Variants in PCDH15 observed in about 807,000 individuals in gnomAD.
PCDH15 encodes the protein protocadherin related 15.
In PCDH15, 129 loss-of-function variants were observed where a neutral mutation model predicts 178.5. The ratio of observed to expected loss-of-function variants is 0.72; its 90% CI spans 0.63 to 0.84. The LOEUF (loss-of-function observed/expected upper bound fraction) is 0.84. Ranked by LOEUF, PCDH15 falls within the 40% of genes least tolerant of loss-of-function variation. PCDH15 has a pLI of 0.00. For synonymous variants in PCDH15, 800 were observed against 732.0 expected (o/e 1.09, Z -1.50); for missense variants, 2,230 against 2,099.9 (o/e 1.06, Z -1.21).
At chr10:54,018,224 A>G (rs1718137784) in intron 20 of PCDH15, among the ~76,000 whole-genome samples, 1 of 152,170 alleles carries the variant, frequency 6.6e-6, no homozygotes, top group Admixed American at 6.5e-5. Context: ...TGTGTTGCAC[A>G]TGCAGAATCT....
chr10:54,451,940 C>T (rs1268652712), intron 3 of PCDH15, among the ~76,000 whole-genome samples: 1 of 151,938 alleles, frequency 6.6e-6, no homozygotes, highest in Non-Finnish European at 1.5e-5. Context: ...TTTTTCTTTA[C>T]AGGCTAGTCA....
At chr10:55,022,660 T>C (rs1409928658) in intron 2 of PCDH15, among the ~76,000 whole-genome samples, 5 of 151,720 alleles carry the variant, frequency 3.3e-5, no homozygotes, top group Non-Finnish European at 5.9e-5. Context: ...AAAATAACTT[T>C]GTAAGATATT....
intron 1 of PCDH15, among the ~76,000 whole-genome samples, chr10:54,707,453 C>T (rs113215693): frequency 6.6e-6 from 1 of 152,212 alleles, no homozygotes; most frequent in African/African-American, 2.4e-5. Flanking sequence ...CTACTTCTGT[C>T]CAGTTTGCCA....
At chr10:54,070,427 C>G (rs2094217402) in intron 17 of PCDH15, among the ~76,000 whole-genome samples, 1 of 152,208 alleles carries the variant, frequency 6.6e-6, no homozygotes, top group South Asian at 2.1e-4. Flanking sequence ...TGATCTTGAA[C>G]TCCTGACCTC....
intron 3 of PCDH15, among the ~76,000 whole-genome samples, chr10:54,516,225 T>C (rs572206394): frequency 6.8e-4 from 103 of 151,722 alleles, no homozygotes; most frequent in African/African-American, 2.2e-3. Flanking sequence ...CTTTGACGAG[T>C]TGAGAGAAGA....
chr10:54,255,920 T>C (rs908229443), intron 8 of PCDH15, among the ~76,000 whole-genome samples: 2 of 152,196 alleles, frequency 1.3e-5, no homozygotes, highest in African/African-American at 4.8e-5. Flanking sequence ...GCAAATTTCA[T>C]AGATGTTAAA....
chr10:53,820,118 C>T (rs1175049600), intron 33 of PCDH15, 47 bp downstream of exon 33: 2 of 396,402 alleles, frequency 5.0e-6, no homozygotes, highest in Admixed American at 4.4e-5. Context: ...TAGATATTAG[C>T]TTAGAAAAGA....
In PCDH15 at chr10:54,022,912, TC is replaced by T. The variant is rs1201841844; in HGVS notation, c.2505del (p.Thr836LeufsTer6). The part of the protein sequence containing the change: ...TVLVEENLPA[G>X]TTILQIEAKD... ...CACACCTCTATTTGAAGGATGGTAG[TC>T]CCAGCTGGCAAATTCTCTTCAACAA... On this transcript the variant is annotated frameshift_variant, in exon 19 of 38. Coordinates refer to ENST00000644397, the MANE Select transcript of PCDH15 (RefSeq NM_001384140.1). LOFTEE classifies it high-confidence loss of function. 6.2e-7 allele frequency: 1 copy of T among 1,613,792 alleles called. No homozygotes were observed. Among genetic ancestry groups the T allele is most frequent in the Non-Finnish European group, 8.5e-7 (1 of 1,179,828 alleles).
chr10:54,893,359 C>G lies in PCDH15; in HGVS notation c.-29+4091G>C, dbSNP rs376529314. Among the ~76,000 whole-genome samples the G allele has an allele frequency of 9.0e-4, 137 of 151,998 alleles. 4 individuals are homozygous for G. The South Asian group carries it at 0.028, about 32-fold the overall frequency. ...ATGTGATTACCATTGATTGAATATACTATTTATTAAGCATTTGCTAAGTGC... is the reference window on the plus strand; with the variant it reads ...ATGTGATTACCATTGATTGAATATAGTATTTATTAAGCATTTGCTAAGTGC... On this transcript the variant is annotated intron_variant, in intron 3 of 5. Coordinates refer to the PCDH15 transcript ENST00000458638.
At chr10:54,037,318 A>C (rs1228399670) in intron 18 of PCDH15, among the ~76,000 whole-genome samples, 1 of 151,998 alleles carries the variant, frequency 6.6e-6, no homozygotes, top group Non-Finnish European at 1.5e-5. Context: ...AAATTTAATG[A>C]AAGCAAGAAG....
intron 2 of PCDH15, among the ~76,000 whole-genome samples, chr10:54,941,505 T>G (rs553629836): frequency 6.6e-6 from 1 of 152,202 alleles, no homozygotes; most frequent in Admixed American, 6.6e-5. Flanking sequence ...CTGTACTGTA[T>G]GTTGTTAAAT....
chr10:54,150,917 C>T (rs1430801499), intron 14 of PCDH15, among the ~76,000 whole-genome samples: 1 of 151,704 alleles, frequency 6.6e-6, no homozygotes, highest in Non-Finnish European at 1.5e-5. Context: ...AAATTATGTC[C>T]TAATAGAATC....
At chr10:54,726,416 AG>A (rs1306630353) in intron 1 of PCDH15, among the ~76,000 whole-genome samples, 7 of 113,440 alleles carry the variant, frequency 6.2e-5, no homozygotes, top group Admixed American at 9.7e-5. Flanking sequence ...TCTACCCATC[AG>A]GGGTGTGTGT....
chr10:54,023,273 C>A, intron 18 of PCDH15, 76 bp from the exon 19 acceptor site: 1 of 1,391,450 alleles, frequency 7.2e-7, no homozygotes, highest in Non-Finnish European at 9.9e-7. Flanking sequence ...TAACAGTTAA[C>A]AAATTATGGT....
chr10:55,076,475 A>T (rs1421204502), intron 2 of PCDH15, among the ~76,000 whole-genome samples: 1 of 149,296 alleles, frequency 6.7e-6, no homozygotes, highest in Non-Finnish European at 1.5e-5. Flanking sequence ...TTTTGGAGAC[A>T]GTGTCTCGCT....
chr10:54,731,136 C>T (rs139705100), intron 1 of PCDH15, among the ~76,000 whole-genome samples: 6 of 151,104 alleles, frequency 4.0e-5, no homozygotes, highest in African/African-American at 1.4e-4. Context: ...ACAAATGGCC[C>T]ACAGTTGTAT....
intron 2 of PCDH15, among the ~76,000 whole-genome samples, chr10:55,585,633 G>A (rs557197112): frequency 5.3e-5 from 8 of 152,122 alleles, no homozygotes; most frequent in East Asian, 3.9e-4. Flanking sequence ...CCGAGATGGC[G>A]CCAATGCACT....
chr10:54,346,285 A>T, intron 6 of PCDH15, 80 bp downstream of exon 6: 1 of 1,357,198 alleles, frequency 7.4e-7, no homozygotes, highest in Non-Finnish European at 1.0e-6. Flanking sequence ...GTTACTGAAT[A>T]ATACAATAAC....
intron 2 of PCDH15, among the ~76,000 whole-genome samples, chr10:55,334,338 G>A (rs867311500): frequency 8.9e-4 from 117 of 131,896 alleles, no homozygotes; most frequent in African/African-American, 2.5e-3. Context: ...ACAGAGTTTC[G>A]CTCTTGTTGC....
Sources: gnomAD v4.1 joint callset for allele counts (sites outside exome capture counted in the v4.1 genomes callset) on GRCh38, gnomAD v4.1.1 for gene constraint, MANE v1.5 for transcripts, NCBI Gene and HGNC (gene_info 2026-07-23, HGNC 2026-07-21) for gene names.